SPAG16: variants seen among roughly 807,000 people sequenced by gnomAD.
The protein encoded by SPAG16 is sperm-associated antigen 16 protein.
SPAG16 carries 86 observed loss-of-function variants against 80.4 expected under a neutral mutation model. That is an observed-to-expected ratio of 1.07 (90% CI 0.90 to 1.28). The LOEUF (loss-of-function observed/expected upper bound fraction) is 1.28. Among genes scored for constraint, SPAG16 ranks in the 50% most tolerant of loss-of-function variants. The pLI, the probability that SPAG16 is intolerant of heterozygous loss-of-function variation, is 0.00. For synonymous variants in SPAG16, 294 were observed against 265.9 expected (o/e 1.11, Z -1.03); for missense variants, 870 against 765.3 (o/e 1.14, Z -1.61).
chr2:213,808,841 G>A (rs1275624190), intron 10 of SPAG16, among the ~76,000 whole-genome samples: 2 of 152,162 alleles, frequency 1.3e-5, no homozygotes, highest in Non-Finnish European at 2.9e-5. Flanking sequence ...TTGTTGAGGT[G>A]TCTACAATTA....
intron 10 of SPAG16, among the ~76,000 whole-genome samples, chr2:213,572,084 T>C (rs1185815997): frequency 8.5e-6 from 1 of 117,906 alleles, no homozygotes; most frequent in East Asian, 2.3e-4. Context: ...GGTTTTCAGC[T>C]CCATCAGCTC....
intron 13 of SPAG16, among the ~76,000 whole-genome samples, chr2:214,035,907 A>G (rs1443863524): frequency 6.6e-6 from 1 of 152,198 alleles, no homozygotes; most frequent in Non-Finnish European, 1.5e-5. Flanking sequence ...TGGAGTGCAC[A>G]GCCCTGGCAT....
chr2:214,019,125 T>A (rs988732071), intron 13 of SPAG16, among the ~76,000 whole-genome samples: 2 of 152,072 alleles, frequency 1.3e-5, no homozygotes, highest in Admixed American at 1.3e-4. Context: ...TGTCAGAAAG[T>A]GATATATCAC....
chr2:213,769,951 T>C (rs1467060281), intron 10 of SPAG16, among the ~76,000 whole-genome samples: 1 of 152,176 alleles, frequency 6.6e-6, no homozygotes, highest in Non-Finnish European at 1.5e-5. Flanking sequence ...TTTACTACCA[T>C]AGATTAATTT....
intron 10 of SPAG16, among the ~76,000 whole-genome samples, chr2:213,689,363 T>G (rs1478804664): frequency 6.6e-6 from 1 of 152,164 alleles, no homozygotes; most frequent in Non-Finnish European, 1.5e-5. Context: ...TGTGTATTGT[T>G]AATTTTTGTT....
At chr2:214,311,045 C>A in intron 15 of SPAG16, among the ~76,000 whole-genome samples, 1 of 152,176 alleles carries the variant, frequency 6.6e-6, no homozygotes, top group East Asian at 1.9e-4. Flanking sequence ...GCCTTGGCTA[C>A]CTCTGCAGCA....
intron 12 of SPAG16, among the ~76,000 whole-genome samples, chr2:213,997,199 C>G (rs77709406): frequency 0.025 from 3,772 of 152,112 alleles, 151 homozygotes; most frequent in African/African-American, 0.086. Context: ...CATCTTTCAC[C>G]TTTGCTTATA....
chr2:213,841,802 T>C (rs2074376537), intron 10 of SPAG16, among the ~76,000 whole-genome samples: 1 of 152,144 alleles, frequency 6.6e-6, no homozygotes, highest in Admixed American at 6.6e-5. Context: ...GTTTTGGGGC[T>C]TACACCTAGT....
At chr2:213,582,430 C>G (rs2060327856) in intron 10 of SPAG16, among the ~76,000 whole-genome samples, 1 of 152,076 alleles carries the variant, frequency 6.6e-6, no homozygotes, top group South Asian at 2.1e-4. Flanking sequence ...GAGTAGACAG[C>G]TTTAGCCATG....
At chr2:213,470,160 C>T (rs1034152740) in intron 9 of SPAG16, among the ~76,000 whole-genome samples, 10 of 152,090 alleles carry the variant, frequency 6.6e-5, no homozygotes, top group Non-Finnish European at 1.3e-4. Flanking sequence ...TTTGCCTCAT[C>T]CAAGCGAAGT....
chr2:214,120,328 C>T (rs1361716929), intron 14 of SPAG16, among the ~76,000 whole-genome samples: 1 of 151,686 alleles, frequency 6.6e-6, no homozygotes, highest in Non-Finnish European at 1.5e-5. Context: ...TTTTCTATTT[C>T]AATTACTACA....
chr2:214,278,518 A>G (rs1692649406), intron 15 of SPAG16, among the ~76,000 whole-genome samples: 1 of 152,228 alleles, frequency 6.6e-6, no homozygotes, highest in South Asian at 2.1e-4. Flanking sequence ...GAGGAACTGT[A>G]TCATACAGTG....
chr2:213,449,319 C>T (rs757451072), intron 9 of SPAG16, among the ~76,000 whole-genome samples: 2 of 152,126 alleles, frequency 1.3e-5, no homozygotes, highest in Non-Finnish European at 2.9e-5. Flanking sequence ...TTATCAATGG[C>T]TCTGCTTTTT....
At chr2:213,900,973 T>C (rs1046613580) in intron 11 of SPAG16, among the ~76,000 whole-genome samples, 18 of 152,296 alleles carry the variant, frequency 1.2e-4, no homozygotes, top group Middle Eastern at 3.4e-3. Flanking sequence ...ATCTGTATAT[T>C]TCTAGAACAT....
chr2:213,310,925 T>C (rs1233825833), intron 4 of SPAG16, among the ~76,000 whole-genome samples: 1 of 151,818 alleles, frequency 6.6e-6, no homozygotes, highest in African/African-American at 2.4e-5. Context: ...TACCTAAAGA[T>C]GTTTATAATT....
At chr2:213,349,360 TCAA>T (rs1283334029) in intron 6 of SPAG16, among the ~76,000 whole-genome samples, 5 of 151,790 alleles carry the variant, frequency 3.3e-5, no homozygotes, top group African/African-American at 1.2e-4. Context: ...AAACAAAAAA[TCAA>T]CAAAGTCAGA....
intron 13 of SPAG16, among the ~76,000 whole-genome samples, chr2:214,076,627 G>T (rs2051093937): frequency 6.6e-6 from 1 of 151,742 alleles, no homozygotes. Context: ...CTGGCAAACA[G>T]ATGTTTGACT....
intron 11 of SPAG16, among the ~76,000 whole-genome samples, chr2:213,879,293 C>T (rs1438099993): frequency 6.6e-6 from 1 of 151,372 alleles, no homozygotes; most frequent in African/African-American, 2.4e-5. Flanking sequence ...GATGGTTTTC[C>T]ATTTGCCCGT....
At chr2:213,639,611 T>C (rs1241108437) in intron 10 of SPAG16, among the ~76,000 whole-genome samples, 1 of 152,244 alleles carries the variant, frequency 6.6e-6, no homozygotes, top group East Asian at 1.9e-4. Flanking sequence ...AGAAATCTGC[T>C]GTAAATCTGA....
Sources: allele counts gnomAD v4.1 joint callset (sites outside exome capture counted in the v4.1 genomes callset), GRCh38; gene constraint gnomAD v4.1.1; transcripts MANE v1.5; gene names NCBI Gene and HGNC (gene_info 2026-07-23, HGNC 2026-07-21).